Variants in AFG2A observed in about 807,000 individuals in gnomAD.
The protein encoded by AFG2A is AAA ATPase AFG2A, also known as ATPase family gene 2 protein homolog A.
the AFG2A span, among the ~76,000 whole-genome samples, chr4:123,249,860 G>A: frequency 2.0e-5 from 3 of 152,086 alleles, no homozygotes; most frequent in Non-Finnish European, 2.9e-5. Context: ...TGGATTTAGA[G>A]GAAGAAATAG....
At chr4:122,945,225 T>C in the AFG2A span, among the ~76,000 whole-genome samples, 2 of 152,240 alleles carry the variant, frequency 1.3e-5, no homozygotes, top group African/African-American at 4.8e-5. Flanking sequence ...TGTTTGTCTG[T>C]GCCCTGCCCC....
chr4:123,097,684 G>A, the AFG2A span, among the ~76,000 whole-genome samples: 1 of 152,186 alleles, frequency 6.6e-6, no homozygotes, highest in Non-Finnish European at 1.5e-5. Flanking sequence ...ATCTTCTATG[G>A]CAGCCCCTTC....
the AFG2A span, among the ~76,000 whole-genome samples, chr4:122,994,748 T>C: frequency 8.6e-5 from 13 of 151,290 alleles, no homozygotes; most frequent in South Asian, 2.3e-3. Flanking sequence ...TCAGGACTAA[T>C]TGTATAACCC....
At chr4:123,313,991 C>T in the AFG2A span, 3 of 1,612,176 alleles carry the variant, frequency 1.9e-6, no homozygotes, top group East Asian at 6.7e-5. Context: ...AGCACTGTGA[C>T]ACCTAGAATT....
the AFG2A span, among the ~76,000 whole-genome samples, chr4:123,003,495 C>T: frequency 2.0e-5 from 3 of 152,056 alleles, no homozygotes; most frequent in Non-Finnish European, 2.9e-5. Flanking sequence ...TGTGGATGTC[C>T]TTTCTGTTTG....
the AFG2A span, among the ~76,000 whole-genome samples, chr4:123,064,085 T>C: frequency 2.0e-5 from 3 of 152,334 alleles, no homozygotes; most frequent in African/African-American, 7.2e-5. Flanking sequence ...TAATAGATTC[T>C]TTGGGACTTG....
the AFG2A span, among the ~76,000 whole-genome samples, chr4:123,193,026 G>A: frequency 1.4e-4 from 21 of 152,258 alleles, no homozygotes; most frequent in Non-Finnish European, 2.6e-4. Context: ...TTGCTTGCTC[G>A]ATCATCAAGT....
At chr4:123,045,922 C>T in the AFG2A span, among the ~76,000 whole-genome samples, 6 of 151,690 alleles carry the variant, frequency 4.0e-5, no homozygotes, top group Non-Finnish European at 7.4e-5. Flanking sequence ...ATAGTGGAAC[C>T]CCGTCTCTAC....
the AFG2A span, among the ~76,000 whole-genome samples, chr4:123,041,276 A>ATTTTTT: frequency 3.7e-5 from 1 of 27,318 alleles, no homozygotes; most frequent in African/African-American, 7.2e-5. Context: ...ACGCCCAGCT[A>ATTTTTT]ATTTTTTTTT....
the AFG2A span, among the ~76,000 whole-genome samples, chr4:123,077,290 G>A: frequency 6.6e-6 from 1 of 151,932 alleles, no homozygotes; most frequent in East Asian, 1.9e-4. Context: ...CTCGTGATCT[G>A]CCTGCCTCGG....
At chr4:123,215,354 T>G in the AFG2A span, among the ~76,000 whole-genome samples, 26 of 152,246 alleles carry the variant, frequency 1.7e-4, no homozygotes, top group Non-Finnish European at 2.8e-4. Context: ...ATTGTATTTT[T>G]TAAAGGCTAG....
At chr4:123,111,736 T>G in the AFG2A span, among the ~76,000 whole-genome samples, 1 of 140,712 alleles carries the variant, frequency 7.1e-6, no homozygotes, top group East Asian at 1.9e-4. Context: ...CTTCTTCTTA[T>G]TATTATTATT....
At chr4:122,929,418 G>T in the AFG2A span, among the ~76,000 whole-genome samples, 2 of 152,152 alleles carry the variant, frequency 1.3e-5, no homozygotes, top group Admixed American at 6.5e-5. Context: ...TAAGGGCTGG[G>T]CGCGGTGGCT....
chr4:123,182,600 G>A, the AFG2A span, among the ~76,000 whole-genome samples: 1 of 152,122 alleles, frequency 6.6e-6, no homozygotes, highest in South Asian at 2.1e-4. Context: ...GTATAAAACT[G>A]TTGTCTTTCC....
the AFG2A span, among the ~76,000 whole-genome samples, chr4:123,259,153 C>G: frequency 3.3e-5 from 5 of 152,202 alleles, no homozygotes; most frequent in African/African-American, 1.2e-4. Flanking sequence ...AGGCATGAGC[C>G]TCTGTGCCCA....
At chr4:123,084,926 C>T in the AFG2A span, among the ~76,000 whole-genome samples, 42 of 152,064 alleles carry the variant, frequency 2.8e-4, no homozygotes, top group Non-Finnish European at 4.7e-4. Context: ...CTACTGCACC[C>T]GGCCTAAAAA....
At chr4:123,292,432 T>C in the AFG2A span, among the ~76,000 whole-genome samples, 1 of 152,216 alleles carries the variant, frequency 6.6e-6, no homozygotes, top group Non-Finnish European at 1.5e-5. Flanking sequence ...GAGGGTGTTG[T>C]AGAACTGTGC....
the AFG2A span, among the ~76,000 whole-genome samples, chr4:123,007,608 G>GTGTATATA: frequency 7.9e-3 from 143 of 18,152 alleles, no homozygotes; most frequent in Middle Eastern, 0.024. Context: ...GTGTGTGTGT[G>GTGTATATA]TATATATATA....
At chr4:123,100,938 A>G in the AFG2A span, among the ~76,000 whole-genome samples, 2 of 152,000 alleles carry the variant, frequency 1.3e-5, no homozygotes, top group Non-Finnish European at 1.5e-5. Flanking sequence ...AATTATTTCC[A>G]TGGCTATGGC....
Sources: allele counts gnomAD v4.1 joint callset (sites outside exome capture counted in the v4.1 genomes callset), GRCh38; gene constraint gnomAD v4.1.1; transcripts MANE v1.5; gene names NCBI Gene and HGNC (gene_info 2026-07-23, HGNC 2026-07-21).